Variants in CYSLTR2 observed in about 807,000 individuals in gnomAD.
CYSLTR2 encodes cysteinyl leukotriene receptor 2, also known as G-protein coupled receptor GPCR21.
For missense variants in CYSLTR2, 398 were observed against 411.9 expected, an observed-to-expected ratio of 0.97 and a Z score of 0.29; for synonymous variants, 179 against 160.8, an observed-to-expected ratio of 1.11 and a Z score of -0.86.
At chr13:48,695,391 T>TTCTTTCTCTC (rs71076042) in intron 3 of CYSLTR2, among the ~76,000 whole-genome samples, 64 of 138,840 alleles carry the variant, frequency 4.6e-4, no homozygotes, top group East Asian at 8.2e-4. Context: ...CTTTCTTTCT[T>TTCTTTCTCTC]TCTCTCTCTC....
rs1275840907 is a variant in CYSLTR2 at position 48,707,020 on chromosome 13, A to G, written c.203A>G (p.Lys68Arg). 3 of 1,614,092 alleles carry G rather than the reference A, an allele frequency of 1.9e-6. No individual in the cohort carries two copies. The highest frequency in any genetic ancestry group is 2.2e-5 in the South Asian group (2 of 91,084). The change falls in exon 5 of 5, where the codon AAG becomes AGG. Residue 68 changes from lysine to arginine, a missense_variant. Transcript: ENST00000682523. ...LSIYVFLQPY[K>R]KSTSVNVFML... ...ATATATGTTTTCCTGCAGCCTTATAAGAAGTCCACATCTGTGAACGTTTTC... is the reference window on the plus strand; with the variant it reads ...ATATATGTTTTCCTGCAGCCTTATAGGAAGTCCACATCTGTGAACGTTTTC...
intron 4 of CYSLTR2, among the ~76,000 whole-genome samples, chr13:48,701,847 G>C (rs1445051092): frequency 6.6e-6 from 1 of 152,216 alleles, no homozygotes; most frequent in Non-Finnish European, 1.5e-5. Context: ...GTGGAAGAGA[G>C]TGTGCCAATT....
intron 1 of CYSLTR2, among the ~76,000 whole-genome samples, chr13:48,684,162 C>G (rs1953835719): frequency 6.6e-6 from 1 of 152,040 alleles, no homozygotes; most frequent in South Asian, 2.1e-4. Flanking sequence ...CTCTGAGCCT[C>G]AAGTGATCCT....
At chr13:48,679,889 A>G (rs1014104454) in intron 1 of CYSLTR2, among the ~76,000 whole-genome samples, 3 of 152,158 alleles carry the variant, frequency 2.0e-5, no homozygotes, top group African/African-American at 7.2e-5. Flanking sequence ...AGGGTTTCCA[A>G]TGTGGGAGTT....
At chr13:48,655,225 T>G (rs758800595) in intron 1 of CYSLTR2, among the ~76,000 whole-genome samples, 1 of 152,190 alleles carries the variant, frequency 6.6e-6, no homozygotes, top group Non-Finnish European at 1.5e-5. Flanking sequence ...CGCCCATATC[T>G]GCTAGAATCT....
intron 1 of CYSLTR2, among the ~76,000 whole-genome samples, chr13:48,657,775 A>G (rs1953034453): frequency 6.6e-6 from 1 of 151,112 alleles, no homozygotes; most frequent in Admixed American, 6.6e-5. Flanking sequence ...AGAGTATTTG[A>G]AGGCATCCTA....
intron 1 of CYSLTR2, among the ~76,000 whole-genome samples, chr13:48,672,119 A>C (rs1284539089): frequency 6.6e-6 from 1 of 152,104 alleles, no homozygotes; most frequent in African/African-American, 2.4e-5. Flanking sequence ...CTATGGGATC[A>C]GTGGTGATAT....
At chr13:48,681,761 T>C (rs1953762015) in intron 1 of CYSLTR2, among the ~76,000 whole-genome samples, 1 of 152,164 alleles carries the variant, frequency 6.6e-6, no homozygotes, top group Admixed American at 6.6e-5. Context: ...TGGTCCTGCC[T>C]CTCTCGAGCT....
At chr13:48,698,837 C>A (rs925314350) in intron 4 of CYSLTR2, among the ~76,000 whole-genome samples, 18 of 152,010 alleles carry the variant, frequency 1.2e-4, no homozygotes, top group Admixed American at 7.2e-4. Context: ...ATCTACCAAG[C>A]AAATGGAAAA....
At chr13:48,672,616 C>CTTTTTTTTTTTTTTTTTTTTTGTTTT in intron 1 of CYSLTR2, among the ~76,000 whole-genome samples, 1 of 120,134 alleles carries the variant, frequency 8.3e-6, no homozygotes. Flanking sequence ...CTTTTCTTTT[C>CTTTTTTTTTTTTTTTTTTTTTGTTTT]TTTTTTTTTT....
intron 1 of CYSLTR2, among the ~76,000 whole-genome samples, chr13:48,678,515 G>A (rs1041111791): frequency 1.3e-4 from 20 of 151,876 alleles, no homozygotes; most frequent in Non-Finnish European, 1.2e-4. Context: ...TCACACCCCC[G>A]CTGTGCGAGC....
intron 1 of CYSLTR2, among the ~76,000 whole-genome samples, chr13:48,667,553 G>C (rs76079164): frequency 0.045 from 6,844 of 152,234 alleles, 204 homozygotes; most frequent in Middle Eastern, 0.12. Flanking sequence ...TGCCTTCCAG[G>C]GGTGCCCCAC....
At chr13:48,702,389 C>T (rs1242534226) in intron 4 of CYSLTR2, among the ~76,000 whole-genome samples, 1 of 152,022 alleles carries the variant, frequency 6.6e-6, no homozygotes, top group Admixed American at 6.6e-5. Context: ...GCACACGTAC[C>T]CTAGAACTTA....
At chr13:48,679,395 G>T (rs1341925668) in intron 1 of CYSLTR2, among the ~76,000 whole-genome samples, 2 of 152,110 alleles carry the variant, frequency 1.3e-5, no homozygotes, top group East Asian at 1.9e-4. Flanking sequence ...TTTGGTCTAA[G>T]ATTATGTTTT....
chr13:48,692,450 A>G (rs955132036), intron 2 of CYSLTR2, among the ~76,000 whole-genome samples: 5 of 151,862 alleles, frequency 3.3e-5, no homozygotes, highest in Non-Finnish European at 5.9e-5. Context: ...ATGGCTTTAC[A>G]TGTATGCATT....
rs139902294 is a variant in CYSLTR2, at chr13:48,654,771, A to G, written c.-266+754A>G. ...CCGACTCTGAGGAGATTAGAAAATTACCCCTAGAATAACTGAAGCTTAACT... is the reference window on the plus strand; with the variant it reads ...CCGACTCTGAGGAGATTAGAAAATTGCCCCTAGAATAACTGAAGCTTAACT... On this transcript the variant is annotated intron_variant, in intron 1 of 4. Coordinates refer to ENST00000682523, the MANE Select transcript of CYSLTR2 (RefSeq NM_001308476.3). Among the ~76,000 whole-genome samples the G allele has an allele frequency of 6.6e-5, 10 of 152,272 alleles. No homozygotes were observed. The East Asian group carries it at 1.9e-3, about 29-fold the overall frequency.
chr13:48,668,432 A>C (rs1953325828), intron 1 of CYSLTR2, among the ~76,000 whole-genome samples: 1 of 152,112 alleles, frequency 6.6e-6, no homozygotes, highest in Admixed American at 6.6e-5. Flanking sequence ...GGCATAAAGA[A>C]GTGCAAACCC....
intron 1 of CYSLTR2, among the ~76,000 whole-genome samples, chr13:48,669,349 A>G (rs1953355557): frequency 6.6e-6 from 1 of 151,882 alleles, no homozygotes; most frequent in Admixed American, 6.6e-5. Flanking sequence ...ACAAAGGCAT[A>G]CACATGCCAT....
intron 1 of CYSLTR2, among the ~76,000 whole-genome samples, chr13:48,659,955 C>G (rs1953088682): frequency 6.6e-6 from 1 of 152,042 alleles, no homozygotes; most frequent in Non-Finnish European, 1.5e-5. Flanking sequence ...GTTTTGAGAG[C>G]CAGAGAGAGG....
Sources: gnomAD v4.1 joint callset for allele counts (sites outside exome capture counted in the v4.1 genomes callset) on GRCh38, gnomAD v4.1.1 for gene constraint, MANE v1.5 for transcripts, NCBI Gene and HGNC (gene_info 2026-07-23, HGNC 2026-07-21) for gene names.